The following TMC7 variants were observed in gnomAD, a reference collection of about 807,000 sequenced individuals.
The protein encoded by TMC7 is transmembrane channel-like protein 7.
In TMC7, 54 loss-of-function variants were observed where a neutral mutation model predicts 82.9. That is an observed-to-expected ratio of 0.65 (90% CI 0.52 to 0.82). The LOEUF is 0.82. TMC7 is among the 40% of genes least tolerant of loss of function. The probability of loss-of-function intolerance (pLI) is 0.00; values close to 1 mark genes in which losing one functional copy is unlikely to be tolerated. For synonymous variants in TMC7, 350 were observed against 337.9 expected (o/e 1.04, Z -0.39); for missense variants, 820 against 901.2 (o/e 0.91, Z 1.15).
In TMC7 at chr16:19,011,706, A is replaced by G. The variant is rs112152447; in HGVS notation, c.311+2291A>G. Among the ~76,000 whole-genome samples, 403 of 152,228 alleles carry G rather than the reference A, an allele frequency of 2.6e-3. 6 individuals are homozygous for G. The highest frequency in any genetic ancestry group is 8.8e-3 in the African/African-American group (364 of 41,528). On this transcript the variant is annotated intron_variant, in intron 2 of 15. Transcript: ENST00000304381. Reference sequence around the variant, plus strand: ...ACCCTCCACCCTGGGTGACAGAGTAAGACCCTGTCTCTATGAAGAAAATAG... The same window carrying G: ...ACCCTCCACCCTGGGTGACAGAGTAGGACCCTGTCTCTATGAAGAAAATAG...
rs771130519 is a variant in TMC7 at position 19,063,630 on chromosome 16, A to T, written c.*1787A>T. ...CCCAGTGCCTTTATATTTATATAAC[A>T]TTTTCACTGTGACCAGACTTGATGA... On this transcript the variant is annotated 3_prime_UTR_variant, in exon 16 of 16. Transcript: ENST00000304381. 2.6e-5 allele frequency: 4 copies of T among 151,734 alleles called. No individual in the cohort carries two copies. The highest frequency in any genetic ancestry group is 4.8e-5 in the African/African-American group (2 of 41,324). The allele number at this position is 151,734 out of a possible 1,614,324, so 9.4% of individuals were successfully genotyped here.
intron 12 of TMC7, among the ~76,000 whole-genome samples, chr16:19,050,647 G>T (rs1345988227): frequency 6.6e-6 from 1 of 151,816 alleles, no homozygotes; most frequent in African/African-American, 2.4e-5. Context: ...CACCACCATG[G>T]CTGGCTAATT....
intron 6 of TMC7, among the ~76,000 whole-genome samples, chr16:19,032,547 T>TAA (rs199666328): frequency 6.0e-5 from 8 of 132,552 alleles, no homozygotes; most frequent in African/African-American, 1.7e-4. Flanking sequence ...TTGTAAATGA[T>TAA]AAAAAAAAAA....
intron 12 of TMC7, among the ~76,000 whole-genome samples, chr16:19,048,712 C>T (rs148809479): frequency 4.4e-4 from 67 of 152,246 alleles, no homozygotes; most frequent in African/African-American, 1.4e-3. Flanking sequence ...TGAGCCACTG[C>T]GCCCAGCCTC....
chr16:18,991,093 G>C (rs1043640642), intron 1 of TMC7, among the ~76,000 whole-genome samples: 5 of 152,154 alleles, frequency 3.3e-5, no homozygotes, highest in African/African-American at 1.2e-4. Context: ...GTTTCTCAGG[G>C]CTGCTTCGAG....
At chr16:19,014,470 G>A (rs929720269) in intron 2 of TMC7, among the ~76,000 whole-genome samples, 7 of 152,206 alleles carry the variant, frequency 4.6e-5, no homozygotes, top group African/African-American at 1.7e-4. Flanking sequence ...GAAGGTTCAA[G>A]TCCTTTTCTT....
rs1470116318 is a variant in TMC7, at chr16:19,032,546, A to AT, written c.857+2178dup. On this transcript the variant is annotated intron_variant, in intron 6 of 15. Transcript: ENST00000304381. Reference sequence around the variant, plus strand: ...AGTATGAAAATATGTTTTGTAAATGATAAAAAAAAAAAAAAAGACCATAGG... The same window carrying AT: ...AGTATGAAAATATGTTTTGTAAATGATTAAAAAAAAAAAAAAAGACCATAGG... Among the ~76,000 whole-genome samples, 8 of 127,416 alleles carry AT rather than the reference A, an allele frequency of 6.3e-5. No homozygotes were observed. In the East Asian group the frequency reaches 1.6e-3, roughly 26 times the overall value. The allele number at this position is 127,416 out of a possible 152,430, so 83.6% of individuals were successfully genotyped here. A position where few individuals can be genotyped will look rare whatever the true frequency, so the allele number is the denominator to read the frequency against.
At chr16:18,984,401 G>A in intron 1 of TMC7, 1 of 1,256,612 alleles carries the variant, frequency 8.0e-7, no homozygotes, top group Non-Finnish European at 1.0e-6. Flanking sequence ...TCTTCCAGCT[G>A]TTGACCGAGA....
chr16:19,000,894 C>T (rs2039130205), intron 1 of TMC7, among the ~76,000 whole-genome samples: 1 of 152,134 alleles, frequency 6.6e-6, no homozygotes, highest in African/African-American at 2.4e-5. Context: ...GTGGCACACA[C>T]CTGTAGTCCC....
At chr16:19,048,165 G>C (rs1961373408) in intron 12 of TMC7, among the ~76,000 whole-genome samples, 1 of 150,258 alleles carries the variant, frequency 6.7e-6, no homozygotes, top group South Asian at 2.1e-4. Context: ...ATTAGAGATG[G>C]AGGTCTTGCC....
In TMC7 at chr16:19,021,753, G is replaced by T; in HGVS notation, c.585G>T (p.Lys195Asn). 1 of 1,614,168 alleles carries T rather than the reference G, an allele frequency of 6.2e-7. No homozygotes were observed. Among genetic ancestry groups the T allele is most frequent in the Non-Finnish European group, 8.5e-7 (1 of 1,180,020 alleles). The change falls in exon 4 of 16, where the codon AAG (lysine) becomes AAT (asparagine). Residue 195 changes from lysine (K) to asparagine (N), a missense_variant. By Grantham distance (94) the Lys-to-Asn change is moderately conservative (BLOSUM62 0). Around this residue, in one of 2 missense-constraint regions of TMC7, gnomAD observed 650 missense variants for 669.9 expected, o/e 0.97. Coordinates refer to ENST00000304381, the MANE Select transcript of TMC7 (RefSeq NM_024847.4). ...VLLPVLLTKY[K>N]ITNSSFVLIP... ...TCCCAGTCTTACTCACGAAATACAA[G>T]ATCACCAACAGCAGCTTCGTGCTCA...
At chr16:18,985,336 TC>T (rs1220796773) in intron 1 of TMC7, among the ~76,000 whole-genome samples, 1 of 151,234 alleles carries the variant, frequency 6.6e-6, no homozygotes, top group Non-Finnish European at 1.5e-5. Context: ...ATTGGATTGT[TC>T]CCAATGTCCA....
At chr16:19,007,052 C>T (rs1208318769) in intron 1 of TMC7, among the ~76,000 whole-genome samples, 5 of 151,718 alleles carry the variant, frequency 3.3e-5, no homozygotes, top group Non-Finnish European at 5.9e-5. Flanking sequence ...CTTGAACTCC[C>T]CACCTCAGGT....
chr16:18,984,639 T>TG lies in TMC7; in HGVS notation c.67+513dup, dbSNP rs534961160. On this transcript the variant is annotated intron_variant, in intron 1 of 15. Transcript: ENST00000304381. ...CTTCAGCAGTAAAATGGGAATAGAA[T>TG]GGGGCGGGGATTAGCTGAGAATCGT... The TG allele has an allele frequency of 1.1e-5, 5 of 475,454 alleles. No homozygotes were observed. The East Asian group carries it at 7.6e-4, about 72-fold the overall frequency. 29.5% of individuals were successfully genotyped at this position (475,454 alleles called of 1,614,324 possible). A position where few individuals can be genotyped will look rare whatever the true frequency, so the allele number is the denominator to read the frequency against.
intron 8 of TMC7, among the ~76,000 whole-genome samples, chr16:19,039,582 G>C (rs890453211): frequency 1.3e-5 from 2 of 152,156 alleles, no homozygotes; most frequent in East Asian, 3.8e-4. Flanking sequence ...AGCTACAAGG[G>C]AGGCTAGGAA....
chr16:19,000,028 G>T (rs1213246475), intron 1 of TMC7, among the ~76,000 whole-genome samples: 2 of 152,068 alleles, frequency 1.3e-5, no homozygotes, highest in Non-Finnish European at 2.9e-5. Flanking sequence ...CTCCCAAAGT[G>T]CTGGGATTAC....
At chr16:19,025,644 A>G (rs950670708) in intron 5 of TMC7, among the ~76,000 whole-genome samples, 23 of 151,838 alleles carry the variant, frequency 1.5e-4, no homozygotes, top group African/African-American at 5.6e-4. Flanking sequence ...CAAAACAAAA[A>G]ACAAAAAAAC....
chr16:19,018,555 A>T (rs988376560), intron 3 of TMC7, among the ~76,000 whole-genome samples: 1 of 152,108 alleles, frequency 6.6e-6, no homozygotes, highest in East Asian at 1.9e-4. Flanking sequence ...ATACCATGAC[A>T]CTGGGTGTTA....
Position 19,007,076 on chromosome 16 carries a change from C to T in TMC7, c.68-2096C>T, listed in dbSNP as rs572430794. On this transcript the variant is annotated intron_variant, in intron 1 of 15. Transcript: ENST00000304381. Reference sequence around the variant, plus strand: ...CCCACCTCAGGTGATCCGCCTGCCTCGGCCTCCCAAAATGCTGGGATTACA... The same window carrying T: ...CCCACCTCAGGTGATCCGCCTGCCTTGGCCTCCCAAAATGCTGGGATTACA... Among the ~76,000 whole-genome samples the T allele has an allele frequency of 9.2e-5, 14 of 151,710 alleles. No homozygotes were observed. In the East Asian group the frequency reaches 1.8e-3, roughly 19 times the overall value.
Sources: gnomAD v4.1 joint callset for allele counts (sites outside exome capture counted in the v4.1 genomes callset) on GRCh38, gnomAD v4.1.1 for gene constraint, gnomAD v4.1.1 regional missense constraint, MANE v1.5 for transcripts, NCBI Gene and HGNC (gene_info 2026-07-23, HGNC 2026-07-21) for gene names.